The following IRAG2 variants were observed in gnomAD, a reference collection of about 807,000 sequenced individuals.
IRAG2 encodes the protein inositol 1,4,5-triphosphate receptor associated 2.
Under a neutral mutation model 69.9 loss-of-function variants are expected in IRAG2, and 45 were observed. The observed-to-expected ratio is 0.64, with a 90% CI of 0.51 to 0.83. IRAG2 has a LOEUF of 0.83. Ranked by LOEUF, IRAG2 falls within the 40% of genes least tolerant of loss-of-function variation. The probability of loss-of-function intolerance (pLI) is 0.00; values close to 1 mark genes in which losing one functional copy is unlikely to be tolerated. For missense variants in IRAG2, 520 were observed against 587.0 expected (o/e 0.89, Z 1.18); for synonymous variants, 193 against 202.4 (o/e 0.95, Z 0.40).
At chr12:25,027,334 C>T (rs868065795) in intron 9 of IRAG2, among the ~76,000 whole-genome samples, 1 of 151,676 alleles carries the variant, frequency 6.6e-6, no homozygotes, top group Non-Finnish European at 1.5e-5. Context: ...TGGCTGATTT[C>T]ACTTAGCATA....
At chr12:25,083,801 G>A (rs1175519986) in intron 10 of IRAG2, among the ~76,000 whole-genome samples, 1 of 152,190 alleles carries the variant, frequency 6.6e-6, no homozygotes. Flanking sequence ...ATATTTCTCA[G>A]TAGAGGACTG....
intron 5 of IRAG2, among the ~76,000 whole-genome samples, chr12:25,067,414 G>A (rs1454648540): frequency 6.6e-6 from 1 of 152,072 alleles, no homozygotes; most frequent in Non-Finnish European, 1.5e-5. Flanking sequence ...CAATTCCAAC[G>A]TTATCTACCT....
At chr12:25,070,195 T>A (rs1946245859) in intron 6 of IRAG2, among the ~76,000 whole-genome samples, 1 of 152,212 alleles carries the variant, frequency 6.6e-6, no homozygotes, top group Admixed American at 6.5e-5. Flanking sequence ...TGTACAACCA[T>A]CACCACAATC....
intron 14 of IRAG2, among the ~76,000 whole-genome samples, chr12:25,094,346 C>T (rs967954382): frequency 6.6e-6 from 1 of 152,074 alleles, no homozygotes; most frequent in Non-Finnish European, 1.5e-5. Context: ...AGAGACCATC[C>T]TTTCCTCATT....
At chr12:25,089,556 A>C (rs1327988713) in intron 11 of IRAG2, 58 bp from the exon 12 acceptor site, 1 of 992,052 alleles carries the variant, frequency 1.0e-6, no homozygotes, top group African/African-American at 1.7e-5. Flanking sequence ...ATTAGATCAA[A>C]TGTGCTTTTA....
chr12:25,085,602 G>C (rs1947534539), intron 10 of IRAG2, among the ~76,000 whole-genome samples: 1 of 152,182 alleles, frequency 6.6e-6, no homozygotes. Context: ...TGGTAGGCCA[G>C]AGTGGTCTTG....
chr12:25,060,629 A>G (rs1043427700), intron 1 of IRAG2, among the ~76,000 whole-genome samples: 1 of 150,628 alleles, frequency 6.6e-6, no homozygotes, highest in African/African-American at 2.4e-5. Context: ...TTTCTTTATC[A>G]GTAGGAGGTC....
At chr12:25,053,654 CCTTA>C (rs1317455647) in intron 1 of IRAG2, among the ~76,000 whole-genome samples, 39 of 151,984 alleles carry the variant, frequency 2.6e-4, no homozygotes, top group Non-Finnish European at 5.1e-4. Context: ...TAAAAATAAA[CCTTA>C]CTTATTTAGC....
chr12:25,047,032 T>C (rs1376821463), intron 16 of IRAG2, among the ~76,000 whole-genome samples: 1 of 152,086 alleles, frequency 6.6e-6, no homozygotes, highest in African/African-American at 2.4e-5. Context: ...AATGCATAGA[T>C]GGTCAATTGA....
At chr12:25,011,382 G>C (rs1011601119) in exon 3 of IRAG2, 10 of 1,231,608 alleles carry the variant, frequency 8.1e-6, no homozygotes, top group Non-Finnish European at 1.0e-5. Context: ...CTCAGTCGGA[G>C]TGGCCAAAAT....
At chr12:25,103,961 T>C in intron 18 of IRAG2, 48 bp from the exon 19 acceptor site, 1 of 1,602,952 alleles carries the variant, frequency 6.2e-7, no homozygotes, top group Non-Finnish European at 8.5e-7. Flanking sequence ...ACAGAAAATA[T>C]AAACGTATAT....
intron 20 of IRAG2, among the ~76,000 whole-genome samples, chr12:25,106,478 T>C (rs939273523): frequency 1.8e-5 from 2 of 108,794 alleles, no homozygotes; most frequent in African/African-American, 6.9e-5. Context: ...TAAATATGTG[T>C]ATATATAGTA....
At chr12:25,004,771 T>C (rs1591920464) in exon 1 of IRAG2, 1 of 1,232,170 alleles carries the variant, frequency 8.1e-7, no homozygotes, top group East Asian at 3.2e-5. Flanking sequence ...AGCAGAGTTT[T>C]TCTCTAACAA....
intron 1 of IRAG2, among the ~76,000 whole-genome samples, chr12:25,058,764 T>C (rs1191946530): frequency 6.6e-6 from 1 of 152,222 alleles, no homozygotes; most frequent in Non-Finnish European, 1.5e-5. Flanking sequence ...AGACACCTGG[T>C]CCCATCCTAC....
chr12:25,079,567 C>A, intron 8 of IRAG2, 89 bp from the exon 9 acceptor site: 1 of 1,281,368 alleles, frequency 7.8e-7, no homozygotes, highest in Non-Finnish European at 1.1e-6. Flanking sequence ...AGAACATAGG[C>A]AAATACTCCT....
upstream of IRAG2, chr12:25,052,516 G>C (rs964437611): frequency 5.0e-6 from 2 of 397,038 alleles, no homozygotes; most frequent in Non-Finnish European, 8.9e-6. Context: ...GGAAGTAAAG[G>C]GGGAGTTGTA....
intron 14 of IRAG2, 70 bp from the exon 15 acceptor site, chr12:25,096,840 T>G: frequency 8.0e-7 from 1 of 1,248,752 alleles, no homozygotes. Context: ...CATTTGCAAC[T>G]TAGTCAGTGT....
At chr12:25,088,191 T>G in intron 11 of IRAG2, 34 bp downstream of exon 11, 1 of 1,541,054 alleles carries the variant, frequency 6.5e-7, no homozygotes. Context: ...CCATGTGAAC[T>G]TTTGTTCTCT....
At chr12:25,077,211 TATATATGAA>T (rs1565562284) in intron 6 of IRAG2, among the ~76,000 whole-genome samples, 5 of 82,664 alleles carry the variant, frequency 6.0e-5, no homozygotes, top group Admixed American at 1.4e-4. Flanking sequence ...ATATATATGA[TATATATGAA>T]ATATATATGA....
Sources: gnomAD v4.1 joint callset for allele counts (sites outside exome capture counted in the v4.1 genomes callset) on GRCh38, gnomAD v4.1.1 for gene constraint, MANE v1.5 for transcripts, NCBI Gene and HGNC (gene_info 2026-07-23, HGNC 2026-07-21) for gene names.